RICTOR: variants seen among roughly 807,000 people sequenced by gnomAD.
The protein encoded by RICTOR is RPTOR independent companion of MTOR complex 2, also known as rapamycin-insensitive companion of mTOR.
In RICTOR, 49 loss-of-function variants were observed where a neutral mutation model predicts 214.9. That is an observed-to-expected ratio of 0.23 (90% confidence interval 0.18 to 0.29). RICTOR has a LOEUF of 0.29. Among genes scored for constraint, RICTOR ranks in the 10% least tolerant of loss-of-function variants. RICTOR has a pLI of 1.00. For missense variants in RICTOR, 1,625 were observed against 2,047.0 expected, an observed-to-expected ratio of 0.79 and a Z score of 3.98; for synonymous variants, 717 against 711.3, an observed-to-expected ratio of 1.01 and a Z score of -0.13.
chr5:39,011,958 G>A (rs1185196009), intron 3 of RICTOR, among the ~76,000 whole-genome samples: 1 of 152,146 alleles, frequency 6.6e-6, no homozygotes, highest in African/African-American at 2.4e-5. Context: ...CTGTTGAAAG[G>A]GCACATTTGT....
chr5:38,999,027 C>CAAAAA (rs1186312478), intron 5 of RICTOR, among the ~76,000 whole-genome samples: 271 of 24,174 alleles, frequency 0.011, no homozygotes, highest in East Asian at 0.014. Flanking sequence ...AACAAACAGG[C>CAAAAA]AAAAAAAAAA....
chr5:39,017,712 A>T (rs2150130922), intron 3 of RICTOR, among the ~76,000 whole-genome samples: 1 of 152,288 alleles, frequency 6.6e-6, no homozygotes, highest in African/African-American at 2.4e-5. Context: ...TACTACATAA[A>T]AAATTGTATT....
At chr5:39,037,995 A>G (rs1756864182) in intron 2 of RICTOR, among the ~76,000 whole-genome samples, 1 of 152,238 alleles carries the variant, frequency 6.6e-6, no homozygotes, top group Admixed American at 6.5e-5. Context: ...CTGATACCAA[A>G]GCCTGGCAGA....
At chr5:38,990,605 TG>T (rs1752562327) in intron 7 of RICTOR, among the ~76,000 whole-genome samples, 1 of 112,772 alleles carries the variant, frequency 8.9e-6, no homozygotes, top group East Asian at 2.3e-4. Context: ...ACGATATATA[TG>T]ATATATATAC....
At chr5:39,004,464 C>T (rs1007274003) in intron 3 of RICTOR, among the ~76,000 whole-genome samples, 5 of 144,964 alleles carry the variant, frequency 3.4e-5, no homozygotes, top group African/African-American at 1.3e-4. Context: ...TTCTCAAACT[C>T]TTTTTTTTTT....
chr5:38,971,539 A>ATTTT, intron 11 of RICTOR: 1 of 46,708 alleles, frequency 2.1e-5, no homozygotes, highest in African/African-American at 9.1e-5. Context: ...TGCCCAGCTA[A>ATTTT]TTTTTGTATT....
intron 2 of RICTOR, among the ~76,000 whole-genome samples, chr5:39,023,385 G>T (rs563297611): frequency 7.9e-5 from 12 of 151,980 alleles, no homozygotes; most frequent in Non-Finnish European, 1.0e-4. Flanking sequence ...CGGATTTCTT[G>T]TCCAAAACAG....
At chr5:39,014,187 C>T (rs554972570) in intron 3 of RICTOR, among the ~76,000 whole-genome samples, 38 of 152,188 alleles carry the variant, frequency 2.5e-4, no homozygotes, top group African/African-American at 7.9e-4. Flanking sequence ...AATCACCTAA[C>T]GATGCATTCC....
intron 2 of RICTOR, among the ~76,000 whole-genome samples, chr5:39,060,726 C>T (rs1294405309): frequency 6.6e-6 from 1 of 151,980 alleles, no homozygotes; most frequent in East Asian, 1.9e-4. Context: ...CAGTTAATAA[C>T]CTGGTTCCTG....
chr5:38,957,695 T>C lies in RICTOR; in HGVS notation c.2456A>G (p.Asn819Ser), dbSNP rs1463136283. ...TTGTTTTGCTACATAACCTCTTTCA[T>C]TCAGATAGGAAAATCCTTTTGGAAT... is the stretch of plus-strand genomic sequence containing the variant. ...LSIPKGFSYL[N>S]ERGYVAKQLE... The change falls in exon 25 of 38, where the codon AAT (asparagine) becomes AGT (serine). Residue 819 changes from asparagine (N) to serine (S), a missense_variant. Asn to Ser is a conservative substitution (Grantham distance 46). Transcript: ENST00000357387. 2 of 1,593,532 alleles carry C rather than the reference T, an allele frequency of 1.3e-6. No individual in the cohort carries two copies. Among genetic ancestry groups the C allele is most frequent in the Non-Finnish European group, 1.7e-6 (2 of 1,166,600 alleles).
At chr5:38,958,234 C>T (rs958464114) in intron 24 of RICTOR, among the ~76,000 whole-genome samples, 1 of 147,390 alleles carries the variant, frequency 6.8e-6, no homozygotes, top group African/African-American at 2.5e-5. Context: ...GAGGCCGTCT[C>T]AATAAAAAAA....
At chr5:39,037,529 G>C (rs1229919287) in intron 2 of RICTOR, among the ~76,000 whole-genome samples, 2 of 152,110 alleles carry the variant, frequency 1.3e-5, no homozygotes, top group African/African-American at 4.8e-5. Flanking sequence ...GAATCCAGGA[G>C]CTGGTTTTTT....
intron 29 of RICTOR, 28 bp downstream of exon 29, chr5:38,952,957 A>T (rs1191861463): frequency 1.5e-6 from 2 of 1,355,018 alleles, no homozygotes; most frequent in Middle Eastern, 1.8e-4. Flanking sequence ...CGTCTACATT[A>T]GAAAGATTTC....
In RICTOR at chr5:38,978,653, AT is replaced by A; in HGVS notation, c.754-4del. On this transcript the variant is annotated splice_polypyrimidine_tract_variant and splice_region_variant and intron_variant, in intron 8 of 37. Coordinates refer to ENST00000357387, the MANE Select transcript of RICTOR (RefSeq NM_152756.5). ...TCAGTATAGGGTGCTAAAATTCTCT[AT>A]TTAAAAAAAAAAAGGAAGAAAAGAG... The A allele has an allele frequency of 6.2e-6, 9 of 1,451,296 alleles. No individual in the cohort carries two copies. The highest frequency in any genetic ancestry group is 1.9e-5 in the Admixed American group (1 of 53,894). 89.9% of individuals were successfully genotyped at this position (1,451,296 alleles called of 1,614,324 possible). A position where few individuals can be genotyped will look rare whatever the true frequency, so the allele number is the denominator to read the frequency against.
chr5:38,979,915 A>G (rs1252596437), intron 8 of RICTOR, among the ~76,000 whole-genome samples: 1 of 152,038 alleles, frequency 6.6e-6, no homozygotes, highest in African/African-American at 2.4e-5. Context: ...GTGCTGTTCA[A>G]TTTATTTCTT....
At chr5:38,995,729 ATTTTG>A (rs772496513) in intron 6 of RICTOR, among the ~76,000 whole-genome samples, 135 of 152,150 alleles carry the variant, frequency 8.9e-4, no homozygotes, top group Non-Finnish European at 5.9e-4. Flanking sequence ...TCAGAAACAA[ATTTTG>A]TTTTATCTTG....
intron 33 of RICTOR, among the ~76,000 whole-genome samples, 173 bp downstream of exon 33, chr5:38,946,295 C>T (rs955165972): frequency 2.0e-5 from 3 of 152,142 alleles, no homozygotes; most frequent in African/African-American, 7.2e-5. Context: ...CTCACACATA[C>T]ACAAAAATGT....
At chr5:39,024,428 C>A (rs532436330) in intron 2 of RICTOR, among the ~76,000 whole-genome samples, 2 of 152,272 alleles carry the variant, frequency 1.3e-5, no homozygotes, top group East Asian at 3.9e-4. Context: ...TATCTTTTCA[C>A]TACTATAAAT....
chr5:38,957,483 TAA>T (rs549948936), intron 25 of RICTOR, among the ~76,000 whole-genome samples, 167 bp downstream of exon 25: 40 of 152,318 alleles, frequency 2.6e-4, no homozygotes, highest in African/African-American at 8.4e-4. Context: ...TGTATAACTA[TAA>T]ATACTAGCAA....
Sources: allele counts gnomAD v4.1 joint callset (sites outside exome capture counted in the v4.1 genomes callset), GRCh38; gene constraint gnomAD v4.1.1; transcripts MANE v1.5; gene names NCBI Gene and HGNC (gene_info 2026-07-23, HGNC 2026-07-21).